Variants in ZBTB16 observed in about 807,000 individuals in gnomAD.
ZBTB16 encodes zinc finger and BTB domain-containing protein 16.
In ZBTB16, 8 loss-of-function variants were observed where a neutral mutation model predicts 56.8. The observed-to-expected ratio is 0.14, with a 90% CI of 0.08 to 0.25. The LOEUF is 0.25. Ranked by LOEUF, ZBTB16 falls within the 10% of genes least tolerant of loss-of-function variation. The pLI is 1.00. For missense variants in ZBTB16, 625 were observed against 903.0 expected (o/e 0.69, Z 3.95); for synonymous variants, 363 against 368.5 (o/e 0.98, Z 0.17).
At chr11:114,154,530 C>A (rs567256178) in intron 2 of ZBTB16, among the ~76,000 whole-genome samples, 1 of 152,312 alleles carries the variant, frequency 6.6e-6, no homozygotes, top group East Asian at 1.9e-4. Flanking sequence ...TCACATACCC[C>A]TAGGTATGTA....
Position 114,256,543 on chromosome 11 carries a change from T to C in ZBTB16, c.*5988T>C, listed in dbSNP as rs566385318. Among the ~76,000 whole-genome samples the C allele has an allele frequency of 6.6e-6, 1 of 152,176 alleles. No homozygotes were observed. The highest frequency in any genetic ancestry group is 1.5e-5 in the Non-Finnish European group (1 of 68,034). The stretch of plus-strand genomic sequence containing the variant: ...GGGGTCTCACGTCTTCTTTAGTCTT[T>C]AGAGAGACATTTTCAACTGACTCCT... On this transcript the variant is annotated 3_prime_UTR_variant, in exon 7 of 7. Transcript: ENST00000335953.
intron 2 of ZBTB16, among the ~76,000 whole-genome samples, chr11:114,106,057 T>A (rs1407042510): frequency 5.9e-5 from 9 of 152,230 alleles, no homozygotes; most frequent in Non-Finnish European, 1.2e-4. Flanking sequence ...CATAATGCTT[T>A]TCTATCCCCT....
chr11:114,078,903 A>G (rs1939661920), intron 2 of ZBTB16, among the ~76,000 whole-genome samples: 2 of 152,028 alleles, frequency 1.3e-5, no homozygotes, highest in South Asian at 4.2e-4. Context: ...CTAAAAATAC[A>G]AAAATTAGCT....
At chr11:114,225,150 C>T (rs906647766) in intron 4 of ZBTB16, among the ~76,000 whole-genome samples, 31 of 151,548 alleles carry the variant, frequency 2.0e-4, no homozygotes, top group African/African-American at 6.6e-4. Flanking sequence ...AAGTGTGGGC[C>T]GAATATGAAA....
At chr11:114,091,418 A>G (rs954089520) in intron 2 of ZBTB16, among the ~76,000 whole-genome samples, 9 of 151,732 alleles carry the variant, frequency 5.9e-5, no homozygotes, top group Admixed American at 5.9e-4. Flanking sequence ...ACCCCCTGGC[A>G]TGAACTCTCA....
At chr11:114,186,843 G>T (rs553544390) in intron 3 of ZBTB16, 109 bp from the exon 4 acceptor site, 2 of 1,014,592 alleles carry the variant, frequency 2.0e-6, no homozygotes, top group South Asian at 2.6e-5. Flanking sequence ...GGATTTTTGC[G>T]GGTGTCCAGT....
chr11:114,242,434 G>A (rs1179036168), intron 5 of ZBTB16, 97 bp downstream of exon 5: 2 of 1,517,334 alleles, frequency 1.3e-6, no homozygotes, highest in African/African-American at 2.7e-5. Context: ...GGCTGAGTCA[G>A]CCTTCAGTCC....
intron 2 of ZBTB16, among the ~76,000 whole-genome samples, chr11:114,152,800 G>A (rs1942309674): frequency 1.3e-5 from 2 of 152,214 alleles, no homozygotes; most frequent in Non-Finnish European, 2.9e-5. Flanking sequence ...GTCCCCAGAT[G>A]TCTTCCTTCC....
intron 2 of ZBTB16, among the ~76,000 whole-genome samples, chr11:114,150,368 C>T (rs1373654086): frequency 6.6e-6 from 1 of 152,176 alleles, no homozygotes; most frequent in South Asian, 2.1e-4. Flanking sequence ...GGCGTGGTGG[C>T]TCATGCCTGT....
chr11:114,209,124 A>G (rs1252730342), intron 4 of ZBTB16, among the ~76,000 whole-genome samples: 2 of 152,154 alleles, frequency 1.3e-5, no homozygotes, highest in African/African-American at 4.8e-5. Flanking sequence ...GCAGAGACAA[A>G]GGAGGTCTTT....
At chr11:114,065,684 G>A (rs1458075304) in intron 2 of ZBTB16, among the ~76,000 whole-genome samples, 1 of 152,032 alleles carries the variant, frequency 6.6e-6, no homozygotes, top group African/African-American at 2.4e-5. Context: ...CCAAAGTGCT[G>A]GATTACAGGT....
chr11:114,118,269 T>C (rs1941238139), intron 2 of ZBTB16, among the ~76,000 whole-genome samples: 1 of 152,130 alleles, frequency 6.6e-6, no homozygotes, highest in South Asian at 2.1e-4. Context: ...CTCCACCTCC[T>C]GGGTTCAAGT....
chr11:114,230,636 G>GGGT (rs1944423677), intron 4 of ZBTB16, among the ~76,000 whole-genome samples: 1 of 131,694 alleles, frequency 7.6e-6, no homozygotes, highest in South Asian at 2.8e-4. Flanking sequence ...TTCTGTGGGG[G>GGGT]GGGGGCGGGA....
intron 2 of ZBTB16, among the ~76,000 whole-genome samples, chr11:114,099,512 G>T (rs1279360887): frequency 1.3e-5 from 2 of 151,930 alleles, no homozygotes; most frequent in African/African-American, 4.8e-5. Flanking sequence ...TGGGAAACAT[G>T]CATTTTAATC....
In ZBTB16 at chr11:114,170,136, C is replaced by A. The variant is rs1942917949; in HGVS notation, c.1366+13702C>A. On this transcript the variant is annotated intron_variant, in intron 3 of 6. Coordinates refer to ENST00000335953, the MANE Select transcript of ZBTB16 (RefSeq NM_006006.6). ...AGTTGAGGCATCCATAAAACAAACA[C>A]ATGTGAAAGCAAGGCTTAAAATTGG... is the stretch of plus-strand genomic sequence containing the variant. Among the ~76,000 whole-genome samples, 3 of 152,204 alleles carry A rather than the reference C, an allele frequency of 2.0e-5. 1 individual carries two copies. Among genetic ancestry groups the A allele is most frequent in the Admixed American group, 2.0e-4 (3 of 15,276 alleles).
At chr11:114,107,009 TG>T (rs1460985181) in intron 2 of ZBTB16, among the ~76,000 whole-genome samples, 4 of 152,148 alleles carry the variant, frequency 2.6e-5, no homozygotes, top group Non-Finnish European at 5.9e-5. Context: ...CAGTTAGACT[TG>T]GGAAGGGGCA....
chr11:114,215,120 T>C (rs1944070865), intron 4 of ZBTB16, among the ~76,000 whole-genome samples: 1 of 152,234 alleles, frequency 6.6e-6, no homozygotes, highest in Non-Finnish European at 1.5e-5. Flanking sequence ...TTGTCTTTTA[T>C]GTCCCTTAAT....
intron 4 of ZBTB16, among the ~76,000 whole-genome samples, chr11:114,211,991 T>G (rs1048478983): frequency 1.3e-5 from 2 of 152,142 alleles, no homozygotes; most frequent in Non-Finnish European, 2.9e-5. Flanking sequence ...GGCATGTGAT[T>G]GATTATCTGG....
chr11:114,234,032 T>C (rs1944511252), intron 4 of ZBTB16, among the ~76,000 whole-genome samples: 1 of 152,224 alleles, frequency 6.6e-6, no homozygotes, highest in African/African-American at 2.4e-5. Flanking sequence ...AATCAGCTGC[T>C]CAAACTCCTC....
Sources: allele counts gnomAD v4.1 joint callset (sites outside exome capture counted in the v4.1 genomes callset), GRCh38; gene constraint gnomAD v4.1.1; transcripts MANE v1.5; gene names NCBI Gene and HGNC (gene_info 2026-07-23, HGNC 2026-07-21).